Variants in SH3BGRL2 observed in about 807,000 individuals in gnomAD.
The protein encoded by SH3BGRL2 is SH3 domain binding glutamate rich protein like 2.
A neutral mutation model predicts 14.8 loss-of-function variants in SH3BGRL2; 21 were observed. The observed-to-expected ratio is 1.42, with a 90% CI of 1.01 to 2.05. SH3BGRL2 has a LOEUF of 2.05. Among genes scored for constraint, SH3BGRL2 ranks in the 30% most tolerant of loss-of-function variants. The probability of loss-of-function intolerance (pLI) is 0.00; values close to 1 mark genes in which losing one functional copy is unlikely to be tolerated. For synonymous variants in SH3BGRL2, 50 were observed against 47.8 expected (o/e 1.05, Z -0.19); for missense variants, 147 against 130.8 (o/e 1.12, Z -0.61).
chr6:79,548,170 T>A, the SH3BGRL2 span, among the ~76,000 whole-genome samples: 158 of 152,288 alleles, frequency 1.0e-3, 2 homozygotes, highest in African/African-American at 3.7e-3. Context: ...CTCCCAGCCA[T>A]ACGTAATTTT....
At chr6:79,626,877 T>C (rs1434124518), upstream of SH3BGRL2, among the ~76,000 whole-genome samples, 3 of 152,140 alleles carry the variant, frequency 2.0e-5, no homozygotes, top group Non-Finnish European at 2.9e-5. Flanking sequence ...ATGCTTTACA[T>C]AGGTATTCTG....
intron 1 of SH3BGRL2, among the ~76,000 whole-genome samples, chr6:79,644,033 A>G (rs1385519412): frequency 1.3e-5 from 2 of 152,166 alleles, no homozygotes; most frequent in African/African-American, 4.8e-5. Context: ...TAACCCAGAG[A>G]TGGGGTCATA....
intron 1 of SH3BGRL2, among the ~76,000 whole-genome samples, chr6:79,661,239 A>G (rs1769540219): frequency 6.6e-6 from 1 of 152,068 alleles, no homozygotes; most frequent in South Asian, 2.1e-4. Context: ...TCGATTTTAG[A>G]TCTTTCCTGC....
chr6:79,564,946 T>C, the SH3BGRL2 span, among the ~76,000 whole-genome samples: 1 of 152,154 alleles, frequency 6.6e-6, no homozygotes, highest in East Asian at 1.9e-4. Flanking sequence ...TTCTGAAAAT[T>C]CCCATTTACA....
At chr6:79,562,992 G>T in the SH3BGRL2 span, among the ~76,000 whole-genome samples, 23,960 of 152,018 alleles carry the variant, frequency 0.16, 2,070 homozygotes, top group South Asian at 0.22. Flanking sequence ...GTCTCGCTCT[G>T]TCACCCAGGC....
At chr6:79,690,000 C>T (rs1770177205) in intron 2 of SH3BGRL2, among the ~76,000 whole-genome samples, 1 of 151,480 alleles carries the variant, frequency 6.6e-6, no homozygotes, top group Non-Finnish European at 1.5e-5. Context: ...TTTGTTTTGA[C>T]ATAGGCCCTC....
chr6:79,554,479 A>G, the SH3BGRL2 span, among the ~76,000 whole-genome samples: 1 of 152,212 alleles, frequency 6.6e-6, no homozygotes, highest in African/African-American at 2.4e-5. Context: ...TTGAAATTCA[A>G]TAGAGGATTT....
intron 2 of SH3BGRL2, among the ~76,000 whole-genome samples, chr6:79,689,590 GT>G: frequency 6.6e-6 from 1 of 151,970 alleles, no homozygotes; most frequent in Non-Finnish European, 1.5e-5. Flanking sequence ...ATCTTGCCCT[GT>G]TGCTCAGGCT....
At chr6:79,588,973 T>C in the SH3BGRL2 span, among the ~76,000 whole-genome samples, 1 of 152,118 alleles carries the variant, frequency 6.6e-6, no homozygotes, top group Admixed American at 6.6e-5. Flanking sequence ...GGGGGTTGGT[T>C]CCAAGACCCC....
the SH3BGRL2 span, among the ~76,000 whole-genome samples, chr6:79,581,922 G>A: frequency 6.6e-6 from 1 of 152,174 alleles, no homozygotes; most frequent in South Asian, 2.1e-4. Flanking sequence ...AAGCTGATAA[G>A]CAACTTCAGC....
the SH3BGRL2 span, among the ~76,000 whole-genome samples, chr6:79,545,148 A>G: frequency 2.0e-4 from 31 of 152,074 alleles, no homozygotes; most frequent in Non-Finnish European, 1.5e-4. Context: ...TGAACTTCTG[A>G]CTCATCATCT....
At chr6:79,580,817 C>CA in the SH3BGRL2 span, among the ~76,000 whole-genome samples, 13 of 151,988 alleles carry the variant, frequency 8.6e-5, no homozygotes, top group Non-Finnish European at 1.3e-4. Flanking sequence ...GACAGAGACA[C>CA]AAAAAAACCT....
the SH3BGRL2 span, among the ~76,000 whole-genome samples, chr6:79,537,901 T>A: frequency 6.6e-6 from 1 of 151,906 alleles, no homozygotes; most frequent in African/African-American, 2.4e-5. Flanking sequence ...GCACTATTGT[T>A]CCTGCCTCGA....
the SH3BGRL2 span, among the ~76,000 whole-genome samples, chr6:79,613,875 C>G: frequency 1.3e-4 from 20 of 152,174 alleles, no homozygotes; most frequent in African/African-American, 4.3e-4. Context: ...CCCAAAGTGC[C>G]AGGATTACAG....
At chr6:79,661,345 G>C (rs972002204) in intron 1 of SH3BGRL2, among the ~76,000 whole-genome samples, 2 of 152,004 alleles carry the variant, frequency 1.3e-5, no homozygotes, top group Non-Finnish European at 2.9e-5. Context: ...TGTTCTCATT[G>C]GTTTCAAAGA....
chr6:79,699,381 T>C (rs1770401982), intron 3 of SH3BGRL2, 117 bp from the exon 4 acceptor site: 3 of 1,218,906 alleles, frequency 2.5e-6, no homozygotes, highest in African/African-American at 1.5e-5. Context: ...TGATCTGTTA[T>C]GATTTCCAAC....
rs1169801387 is a variant in SH3BGRL2, at chr6:79,699,632, A to G, written c.*123A>G. 15 of 1,293,946 alleles carry G rather than the reference A, an allele frequency of 1.2e-5. 1 individual carries two copies. In the South Asian group the frequency reaches 3.0e-4, roughly 26 times the overall value. 80.2% of individuals were successfully genotyped at this position (1,293,946 alleles called of 1,614,324 possible). A position where few individuals can be genotyped will look rare whatever the true frequency, so the allele number is the denominator to read the frequency against. On this transcript the variant is annotated 3_prime_UTR_variant, in exon 4 of 4. Transcript: ENST00000369838. ...CGCATTATCAGTAACTTTGCTTGCC[A>G]CGGAAAAGGTGTTTTTGAAAGATGT...
At chr6:79,592,349 T>C in the SH3BGRL2 span, among the ~76,000 whole-genome samples, 1 of 152,152 alleles carries the variant, frequency 6.6e-6, no homozygotes, top group Non-Finnish European at 1.5e-5. Flanking sequence ...ACAAGACAAA[T>C]AGGGATCCTG....
chr6:79,551,646 A>G, the SH3BGRL2 span, among the ~76,000 whole-genome samples: 1 of 152,124 alleles, frequency 6.6e-6, no homozygotes, highest in Non-Finnish European at 1.5e-5. Context: ...GGCTAAACAT[A>G]CATACTCAAC....
Sources: allele counts gnomAD v4.1 joint callset (sites outside exome capture counted in the v4.1 genomes callset), GRCh38; gene constraint gnomAD v4.1.1; transcripts MANE v1.5; gene names NCBI Gene and HGNC (gene_info 2026-07-23, HGNC 2026-07-21).